Variants in RMDN1 observed in about 807,000 individuals in gnomAD.
RMDN1 encodes the protein regulator of microtubule dynamics protein 1.
A neutral mutation model predicts 48.9 loss-of-function variants in RMDN1; 48 were observed. The ratio of observed to expected loss-of-function variants is 0.98; its 90% CI spans 0.78 to 1.25. RMDN1 has a LOEUF of 1.25. Ranked by LOEUF, RMDN1 falls within the 50% of genes most tolerant of loss-of-function variation. The pLI is 0.00. For missense variants in RMDN1, 418 were observed against 373.4 expected, an observed-to-expected ratio of 1.12 and a Z score of -0.98; for synonymous variants, 148 against 132.6, an observed-to-expected ratio of 1.12 and a Z score of -0.80.
intron 2 of RMDN1, among the ~76,000 whole-genome samples, chr8:86,489,196 C>T (rs1245157023): frequency 6.6e-6 from 1 of 152,116 alleles, no homozygotes; most frequent in East Asian, 1.9e-4. Flanking sequence ...TCTCTTTATA[C>T]AGAGATGTTG....
At chr8:86,482,071 C>T (rs368295249) in intron 5 of RMDN1, 36 of 628,954 alleles carry the variant, frequency 5.7e-5, no homozygotes, top group African/African-American at 3.9e-4. Context: ...AAAGCTCACG[C>T]GGCACGCAGC....
At chr8:86,481,631 A>G in intron 5 of RMDN1, 1 of 246,872 alleles carries the variant, frequency 4.1e-6, no homozygotes, top group Non-Finnish European at 7.8e-6. Flanking sequence ...AAAAACACTG[A>G]GGAAGGAAGG....
At chr8:86,468,316 C>A, downstream of RMDN1, 1 of 427,998 alleles carries the variant, frequency 2.3e-6, no homozygotes, top group Non-Finnish European at 4.6e-6. Context: ...GTGTGTTCTC[C>A]ATTTTATTCA....
downstream of RMDN1, among the ~76,000 whole-genome samples, chr8:86,471,189 A>G (rs1233553248): frequency 2.9e-4 from 43 of 149,738 alleles, no homozygotes; most frequent in Admixed American, 2.5e-3. Context: ...TGATTTTTTG[A>G]AAGTAAAAAT....
chr8:86,468,706 C>A (rs375041897), downstream of RMDN1: 12 of 456,212 alleles, frequency 2.6e-5, no homozygotes, highest in East Asian at 2.8e-4. Flanking sequence ...CTACACAGAA[C>A]CCTACAAGAG....
At position 86,488,243 on chromosome 8, in the gene RMDN1, T is replaced by C. The variant is rs117026435; in HGVS notation, c.335+309A>G. On this transcript the variant is annotated intron_variant, in intron 3 of 9. Coordinates refer to ENST00000406452, the MANE Select transcript of RMDN1 (RefSeq NM_016033.3). ...TTTAAAAGAAAAACAATGAGAAATA[T>C]ACAATATAGCTAGAAGGGATAAACA... Among the ~76,000 whole-genome samples the C allele has an allele frequency of 5.0e-3, 764 of 152,246 alleles. 3 individuals are homozygous for C. Among genetic ancestry groups the C allele is most frequent in the Middle Eastern group, 6.8e-3 (2 of 294 alleles).
At chr8:86,469,819 C>T (rs924123859), downstream of RMDN1, among the ~76,000 whole-genome samples, 1 of 152,128 alleles carries the variant, frequency 6.6e-6, no homozygotes, top group African/African-American at 2.4e-5. Context: ...AATTTCTCTC[C>T]TCAATTCTCA....
chr8:86,487,907 G>A (rs1815757445), intron 3 of RMDN1, among the ~76,000 whole-genome samples: 1 of 152,114 alleles, frequency 6.6e-6, no homozygotes, highest in Admixed American at 6.5e-5. Flanking sequence ...ATCTAAAAAA[G>A]GCAGATGAAA....
rs554010992 is a variant in RMDN1 at position 86,482,682 on chromosome 8, G to C, written c.585+2190C>G. 4 of 922,162 alleles carry C rather than the reference G, an allele frequency of 4.3e-6. No individual in the cohort carries two copies. In the East Asian group the frequency reaches 9.6e-5, roughly 22 times the overall value. 57.1% of individuals were successfully genotyped at this position (922,162 alleles called of 1,614,324 possible). On this transcript the variant is annotated intron_variant, in intron 5 of 9. Transcript: ENST00000406452. ...CGCAGTCGGAAAAAGACTTTATGGA[G>C]TTCATGATCAAGGGGACCCCAGCTT... is the stretch of plus-strand genomic sequence containing the variant.
At chr8:86,489,844 G>C (rs1357162608) in intron 2 of RMDN1, among the ~76,000 whole-genome samples, 1 of 151,452 alleles carries the variant, frequency 6.6e-6, no homozygotes, top group Non-Finnish European at 1.5e-5. Flanking sequence ...AAAAAAAGGG[G>C]GGGGATGGGG....
intron 2 of RMDN1, among the ~76,000 whole-genome samples, chr8:86,491,842 T>C (rs527734589): frequency 2.0e-5 from 3 of 152,334 alleles, no homozygotes; most frequent in East Asian, 1.9e-4. Context: ...ACTCTAGCCA[T>C]GTGAGCAGTG....
chr8:86,474,453 CA>C, intron 9 of RMDN1, 95 bp from the exon 10 acceptor site: 5 of 1,005,502 alleles, frequency 5.0e-6, no homozygotes, highest in South Asian at 2.7e-5. Context: ...TAAGAGTTTC[CA>C]AAAACCAGAT....
upstream of RMDN1, among the ~76,000 whole-genome samples, chr8:86,511,158 C>T (rs114019894): frequency 1.0e-2 from 1,489 of 149,508 alleles, 27 homozygotes; most frequent in African/African-American, 0.035. Flanking sequence ...AGTGAGACAC[C>T]GTCTTTAAAA....
At chr8:86,471,601 G>T (rs1313358499), downstream of RMDN1, among the ~76,000 whole-genome samples, 1 of 152,104 alleles carries the variant, frequency 6.6e-6, no homozygotes, top group African/African-American at 2.4e-5. Context: ...CATATCAGAT[G>T]TGAAGGCAAT....
intron 2 of RMDN1, among the ~76,000 whole-genome samples, chr8:86,500,656 T>C (rs539050747): frequency 4.6e-5 from 7 of 151,842 alleles, no homozygotes; most frequent in Non-Finnish European, 7.4e-5. Flanking sequence ...AAACTTAAAA[T>C]AGAACCACTA....
chr8:86,481,469 C>T (rs1814415079), intron 5 of RMDN1, among the ~76,000 whole-genome samples: 1 of 150,622 alleles, frequency 6.6e-6, no homozygotes, highest in Admixed American at 6.6e-5. Context: ...AAGAATGATA[C>T]AGAAATACTG....
chr8:86,490,441 T>C (rs747491243), intron 2 of RMDN1, among the ~76,000 whole-genome samples: 7 of 152,164 alleles, frequency 4.6e-5, no homozygotes, highest in Non-Finnish European at 1.0e-4. Flanking sequence ...ATCAGAATGA[T>C]GATTTGATGG....
At chr8:86,509,741 C>CT (rs927891623), upstream of RMDN1, among the ~76,000 whole-genome samples, 18 of 152,170 alleles carry the variant, frequency 1.2e-4, no homozygotes, top group African/African-American at 4.1e-4. Flanking sequence ...TCTTTCTACT[C>CT]TGAGTCCAGT....
chr8:86,485,587 G>GTTT (rs1177991258), intron 4 of RMDN1, among the ~76,000 whole-genome samples: 2 of 152,160 alleles, frequency 1.3e-5, no homozygotes, highest in African/African-American at 4.8e-5. Context: ...ATATGTAATT[G>GTTT]AATGTTTTAT....
Sources: gnomAD v4.1 joint callset for allele counts (sites outside exome capture counted in the v4.1 genomes callset) on GRCh38, gnomAD v4.1.1 for gene constraint, MANE v1.5 for transcripts, NCBI Gene and HGNC (gene_info 2026-07-23, HGNC 2026-07-21) for gene names.